MXRA5: variants seen among roughly 807,000 people sequenced by gnomAD.
MXRA5 encodes matrix remodeling associated 5, also known as matrix-remodeling-associated protein 5.
A neutral mutation model predicts 112.5 loss-of-function variants in MXRA5; 41 were observed. The observed-to-expected ratio is 0.36, with a 90% CI of 0.28 to 0.47. The LOEUF is 0.47. Ranked by LOEUF, MXRA5 falls within the 20% of genes least tolerant of loss-of-function variation. The probability of loss-of-function intolerance (pLI) is 0.99; values close to 1 mark genes in which losing one functional copy is unlikely to be tolerated. For missense variants in MXRA5, 2,150 were observed against 2,251.0 expected (o/e 0.96, Z 0.91); for synonymous variants, 862 against 900.8 (o/e 0.96, Z 0.77).
chrX:3,317,495 C>A lies in MXRA5; in HGVS notation c.6186G>T (p.Gly2062=). 8.4e-7 allele frequency: 1 copy of A among 1,196,211 alleles called. No homozygotes were observed. The highest frequency in any genetic ancestry group is 1.7e-5 in the African/African-American group (1 of 57,631). ...CAGTGCAGTGAATGTGAATGCTGAGCCCCGGGGGCAGCGAGATGTTCTCCA... is the reference window on the plus strand; with the variant it reads ...CAGTGCAGTGAATGTGAATGCTGAGACCCGGGGGCAGCGAGATGTTCTCCA... ...EKLENISLPP[G]LSIHIHCTAK... The change falls in exon 6 of 7, where the codon GGG becomes GGT. Residue 2062 remains glycine (G), a synonymous_variant. Transcript: ENST00000217939.
chrX:3,322,678 G>A lies in MXRA5; in HGVS notation c.3007C>T (p.Pro1003Ser). The A allele has an allele frequency of 8.3e-7, 1 of 1,211,538 alleles. No individual in the cohort carries two copies. Among genetic ancestry groups the A allele is most frequent in the Non-Finnish European group, 1.1e-6 (1 of 895,490 alleles). Residue 1003 changes from proline to serine, a missense_variant, in exon 5 of 7, where the codon CCA becomes TCA. Pro to Ser is a moderately conservative substitution (Grantham distance 74). Transcript: ENST00000217939. ...TCATTAACCCAGATGGTGGGGGTTG[G>A]AGTAAGGTGTGCAAAGGTGTCTTCT... is the stretch of plus-strand genomic sequence containing the variant. Reference protein sequence around the residue: ...MKEDTFAHLTPTPTIWVNDSS... With the variant: ...MKEDTFAHLTSTPTIWVNDSS...
intron 6 of MXRA5, 94 bp from the exon 7 acceptor site, chrX:3,311,718 T>C: frequency 4.1e-6 from 3 of 730,699 alleles, no homozygotes; most frequent in Non-Finnish European, 6.1e-6. Flanking sequence ...TAGGTGTTTC[T>C]GTGATGCATC....
At chrX:3,326,182 T>C (rs190463825) in intron 4 of MXRA5, among the ~76,000 whole-genome samples, 4 of 26,738 alleles carry the variant, frequency 1.5e-4, no homozygotes, top group East Asian at 1.6e-3. Context: ...TAATATATAA[T>C]TTATAATTAT....
rs769303540 is a variant in MXRA5 at position 3,339,705 on chromosome X, G to T, written c.188+3941C>A. On this transcript the variant is annotated intron_variant, in intron 2 of 6. Transcript: ENST00000217939. ...GAGTACCCCCTCTCAGAACCCAAGG[G>T]TATACATGTCCCCTTCTTGCATCCT... is the stretch of plus-strand genomic sequence containing the variant. 4.5e-5 allele frequency among the ~76,000 whole-genome samples: 5 copies of T among 111,711 alleles called. No individual in the cohort carries two copies. In the South Asian group the frequency reaches 1.9e-3, roughly 42 times the overall value.
intron 5 of MXRA5, 132 bp from the exon 6 acceptor site, chrX:3,318,135 G>T: frequency 2.0e-6 from 1 of 489,624 alleles, no homozygotes; most frequent in Non-Finnish European, 3.2e-6. Flanking sequence ...TAGGTAGAAT[G>T]TTTTAGTGTT....
In MXRA5 at chrX:3,323,021, A is replaced by G. The variant is rs1047973675; in HGVS notation, c.2664T>C (p.Val888=). 1 of 1,209,768 alleles carries G rather than the reference A, an allele frequency of 8.3e-7. No homozygotes were observed. The highest frequency in any genetic ancestry group is 1.8e-5 in the African/African-American group (1 of 57,076). The part of the protein sequence containing the change: ...EVTSTPLEEV[V]DDLSEKTEEI... ...CCTCAGTCTTCTCGGAAAGGTCATC[A>G]ACAACTTCCTCCAGAGGTGTGCTTG... The change falls in exon 5 of 7, where the codon GTT becomes GTC. Residue 888 remains valine (V), a synonymous_variant. Coordinates refer to ENST00000217939, the MANE Select transcript of MXRA5 (RefSeq NM_015419.4).
rs771549368 is a variant in MXRA5, at chrX:3,310,201, G to A, written c.8002C>T (p.Arg2668Cys). Residue 2668 changes from arginine (R) to cysteine (C), a missense_variant, in exon 7 of 7, where the codon CGT (arginine) becomes TGT (cysteine). By Grantham distance (180) the Arg-to-Cys change is radical. Coordinates refer to ENST00000217939, the MANE Select transcript of MXRA5 (RefSeq NM_015419.4). ...PCTPPGAGQG[R>C]FSWTLPNGMH... ...CCATTGGGGAGCGTCCAGGAGAAACGTCCCTGCCCAGCCCCGGGAGGGGTG... is the reference window on the plus strand; with the variant it reads ...CCATTGGGGAGCGTCCAGGAGAAACATCCCTGCCCAGCCCCGGGAGGGGTG... 7.4e-6 allele frequency: 9 copies of A among 1,211,795 alleles called. No individual in the cohort carries two copies. Among genetic ancestry groups the A allele is most frequent in the African/African-American group, 1.7e-5 (1 of 57,837 alleles).
intron 2 of MXRA5, among the ~76,000 whole-genome samples, chrX:3,335,585 T>A (rs1487432016): frequency 8.9e-6 from 1 of 112,354 alleles, no homozygotes; most frequent in East Asian, 2.8e-4. Context: ...GCCAAGAAGG[T>A]CTTACAGGGT....
chrX:3,333,302 C>CAAAAAAAAAA, intron 2 of MXRA5, among the ~76,000 whole-genome samples: 139 of 14,806 alleles, frequency 9.4e-3, no homozygotes, highest in South Asian at 0.019. Context: ...TACCCCATAT[C>CAAAAAAAAAA]AAAAAAAAAA....
chrX:3,324,186 C>T lies in MXRA5; in HGVS notation c.1499G>A (p.Ser500Asn), dbSNP rs1280145115. 29 of 1,209,665 alleles carry T rather than the reference C, an allele frequency of 2.4e-5. No individual in the cohort carries two copies. Among genetic ancestry groups the T allele is most frequent in the Non-Finnish European group, 3.2e-5 (29 of 895,200 alleles). ...TVLEGGPCQL[S>N]CNVKASESPS... ...ACTCTCAGAAGCTTTCACGTTGCAG[C>T]TCAACTGGCATGGACCCCCTTCCAG... The change falls in exon 5 of 7, where the codon AGC becomes AAC. Residue 500 changes from serine (S) to asparagine (N), a missense_variant. Coordinates refer to ENST00000217939, the MANE Select transcript of MXRA5 (RefSeq NM_015419.4).
chrX:3,325,982 T>A (rs1921470668), intron 4 of MXRA5, among the ~76,000 whole-genome samples: 1 of 79,913 alleles, frequency 1.3e-5, no homozygotes, highest in East Asian at 3.7e-4. Flanking sequence ...AAATTTATAA[T>A]ATATAATTTA....
Position 3,321,425 on chromosome X carries a change from G to A in MXRA5, c.4260C>T (p.Ser1420=), listed in dbSNP as rs140122159. The change falls in exon 5 of 7, where the codon TCC becomes TCT. Residue 1420 remains serine (S), a synonymous_variant. Coordinates refer to ENST00000217939, the MANE Select transcript of MXRA5 (RefSeq NM_015419.4). ...AGACTGTCAAAGAGGACAAAAACTC[G>A]GAAGTGAAATCCACATCCTCAAGCT... ...LKELEDVDFT[S]EFLSSLTVST... is the part of the protein sequence containing the mutation. The A allele has an allele frequency of 1.6e-5, 19 of 1,209,720 alleles. No homozygotes were observed. In the Admixed American group the frequency reaches 1.8e-4, roughly 11 times the overall value.
chrX:3,317,363 C>A lies in MXRA5; in HGVS notation c.6318G>T (p.Thr2106=). Residue 2106 remains threonine, a synonymous_variant, in exon 6 of 7, where the codon ACG becomes ACT. Coordinates refer to ENST00000217939, the MANE Select transcript of MXRA5 (RefSeq NM_015419.4). ...TGGGCGCGAGGTTGCGGATGTAGAG[C>A]GTCCCGTTGGGGAAAACAAACAAGT... ...HGNLFVFPNG[T]LYIRNLAPKD... is the part of the protein sequence containing the mutation. The A allele has an allele frequency of 8.3e-7, 1 of 1,209,611 alleles. No homozygotes were observed. Among genetic ancestry groups the A allele is most frequent in the South Asian group, 1.8e-5 (1 of 56,527 alleles).
Position 3,321,541 on chromosome X carries a change from G to A in MXRA5, c.4144C>T (p.Pro1382Ser). Residue 1382 changes from proline to serine, a missense_variant, in exon 5 of 7, where the codon CCC becomes TCC. This residue lies in a region of MXRA5 where 1,485 missense variants were observed against 1,471.6 expected (regional missense o/e 1.01). Coordinates refer to ENST00000217939, the MANE Select transcript of MXRA5 (RefSeq NM_015419.4). ...CTCCCAGGCTGGGCCGTCCTTGAGG[G>A]ATTCCAGGTTGGAGTTCCTGGAAAG... ...VGFPGTPTWN[P>S]SRTAQPGRLQ... 1.7e-6 allele frequency: 2 copies of A among 1,209,828 alleles called. No individual in the cohort carries two copies. Among genetic ancestry groups the A allele is most frequent in the Non-Finnish European group, 2.2e-6 (2 of 894,371 alleles).
Position 3,324,157 on chromosome X carries a change from A to G in MXRA5, c.1528T>C (p.Ser510Pro). Residue 510 changes from serine (S) to proline (P), a missense_variant, in exon 5 of 7, where the codon TCT (serine) becomes CCT (proline). This residue lies in a region of MXRA5 where 386 missense variants were observed against 411.0 expected (regional missense o/e 0.94). Coordinates refer to ENST00000217939, the MANE Select transcript of MXRA5 (RefSeq NM_015419.4). Reference sequence around the variant, plus strand: ...CCATCTGGAAGCACCCAGAAGATAGATGGACTCTCAGAAGCTTTCACGTTG... The same window carrying G: ...CCATCTGGAAGCACCCAGAAGATAGGTGGACTCTCAGAAGCTTTCACGTTG... ...SCNVKASESP[S>P]IFWVLPDGSI... The G allele has an allele frequency of 8.3e-7, 1 of 1,211,316 alleles. No individual in the cohort carries two copies.
In MXRA5 at chrX:3,311,384, G is replaced by C. The variant is rs774906105; in HGVS notation, c.6819C>G (p.Pro2273=). The C allele has an allele frequency of 2.8e-5, 34 of 1,210,298 alleles. No individual in the cohort carries two copies. The highest frequency in any genetic ancestry group is 3.6e-5 in the Non-Finnish European group (32 of 895,306). Residue 2273 remains proline (P), a synonymous_variant, in exon 7 of 7, where the codon CCC becomes CCG. Coordinates refer to ENST00000217939, the MANE Select transcript of MXRA5 (RefSeq NM_015419.4). Reference sequence around the variant, plus strand: ...CGTCTGGGAGGCTCCAGGAGATCTCGGGATTGGGAAGCCCGGTGGCCACAC... The same window carrying C: ...CGTCTGGGAGGCTCCAGGAGATCTCCGGATTGGGAAGCCCGGTGGCCACAC... The part of the protein sequence containing the change: ...VDCVATGLPN[P]EISWSLPDGS...
rs761697392 is a variant in MXRA5 at position 3,335,906 on chromosome X, C to G, written c.189-5133G>C. Reference sequence around the variant, plus strand: ...ACCATGTTGTTCACTGCAAGAAGCCCTACAGGTCACGTACTGCAGTGGTCC... The same window carrying G: ...ACCATGTTGTTCACTGCAAGAAGCCGTACAGGTCACGTACTGCAGTGGTCC... On this transcript the variant is annotated intron_variant, in intron 2 of 6. Transcript: ENST00000217939. 2.0e-4 allele frequency among the ~76,000 whole-genome samples: 23 copies of G among 112,296 alleles called. No homozygotes were observed. The East Asian group carries it at 5.6e-3, about 27-fold the overall frequency.
At position 3,317,296 on chromosome X, in the gene MXRA5, C is replaced by T. The variant is rs1323038510; in HGVS notation, c.6385G>A (p.Gly2129Ser). ...AGCTGCACCGTCCTGCGCGCGGAGC[C>T]TACCAGGTTGGCGGCCACGCACTCA... is the stretch of plus-strand genomic sequence containing the variant. Reference protein sequence around the residue: ...RYECVAANLVGSARRTVQLNV... With the variant: ...RYECVAANLVSSARRTVQLNV... Residue 2129 changes from glycine (G) to serine (S), a missense_variant, in exon 6 of 7, where the codon GGC (glycine) becomes AGC (serine). Around this residue, in one of 6 missense-constraint regions of MXRA5, gnomAD observed 1,485 missense variants for 1,471.6 expected, o/e 1.01. Coordinates refer to ENST00000217939, the MANE Select transcript of MXRA5 (RefSeq NM_015419.4). 8.3e-7 allele frequency: 1 copy of T among 1,206,375 alleles called. No homozygotes were observed. The highest frequency in any genetic ancestry group is 3.0e-5 in the East Asian group (1 of 33,696).
At chrX:3,343,169 C>T (rs1922028188) in intron 2 of MXRA5, among the ~76,000 whole-genome samples, 1 of 112,610 alleles carries the variant, frequency 8.9e-6, no homozygotes, top group African/African-American at 3.2e-5. Flanking sequence ...TTTTAACAGG[C>T]AAAATCTGCA....
Sources: allele counts gnomAD v4.1 joint callset (sites outside exome capture counted in the v4.1 genomes callset), GRCh38; gene constraint gnomAD v4.1.1; regional missense constraint gnomAD v4.1.1; transcripts MANE v1.5; gene names NCBI Gene and HGNC (gene_info 2026-07-23, HGNC 2026-07-21).